PIWIL1: variants seen among roughly 807,000 people sequenced by gnomAD.
PIWIL1 encodes piwi-like protein 1.
PIWIL1 carries 73 observed loss-of-function variants against 114.4 expected under a neutral mutation model. The ratio of observed to expected loss-of-function variants is 0.64; its 90% confidence interval spans 0.53 to 0.78. PIWIL1 has a LOEUF of 0.78. Among genes scored for constraint, PIWIL1 ranks in the 30% least tolerant of loss-of-function variants. The pLI, the probability that PIWIL1 is intolerant of heterozygous loss-of-function variation, is 0.00. For synonymous variants in PIWIL1, 375 were observed against 369.0 expected (o/e 1.02, Z -0.19); for missense variants, 723 against 1,063.1 (o/e 0.68, Z 4.45).
the PIWIL1 span, among the ~76,000 whole-genome samples, chr12:130,391,900 C>T: frequency 1.4e-3 from 202 of 146,912 alleles, 2 homozygotes; most frequent in African/African-American, 4.7e-3. Context: ...TCCTCACATG[C>T]GTGCGTCAGT....
At chr12:130,403,352 CTATAA>C in the PIWIL1 span, among the ~76,000 whole-genome samples, 2 of 152,066 alleles carry the variant, frequency 1.3e-5, no homozygotes, top group African/African-American at 4.8e-5. Context: ...CTGATTCCCA[CTATAA>C]TATAAAAACT....
the PIWIL1 span, chr12:130,422,630 A>C: frequency 1.7e-6 from 2 of 1,143,692 alleles, no homozygotes; most frequent in Middle Eastern, 2.0e-4. The surrounding 1 kb of genome is among the most constrained non-coding windows in gnomAD (Gnocchi z 5.2). Flanking sequence ...CAGTTAGCCA[A>C]ATCAAGCGGG....
chr12:130,345,892 GAAT>G lies in PIWIL1; in HGVS notation c.316+17_316+19del. The G allele has an allele frequency of 1.9e-6, 3 of 1,612,390 alleles. No individual in the cohort carries two copies. Among genetic ancestry groups the G allele is most frequent in the Non-Finnish European group, 2.5e-6 (3 of 1,179,274 alleles). On this transcript the variant is annotated intron_variant, in intron 4 of 20. Coordinates refer to ENST00000245255, the MANE Select transcript of PIWIL1 (RefSeq NM_004764.5). ...AATCAAAAACAGGTAGGTTAATTAA[GAAT>G]AAGTTTTGTGAGATTACATCTCAGG...
At chr12:130,423,347 G>A in the PIWIL1 span, among the ~76,000 whole-genome samples, 1 of 152,222 alleles carries the variant, frequency 6.6e-6, no homozygotes, top group Admixed American at 6.5e-5. Context: ...GAGTCACTGA[G>A]GCACGGATCT....
the PIWIL1 span, among the ~76,000 whole-genome samples, chr12:130,380,980 T>C: frequency 0.08 from 12,173 of 152,122 alleles, 695 homozygotes; most frequent in South Asian, 0.2. Flanking sequence ...AGGCTCACAG[T>C]TAAATTGAGT....
At chr12:130,399,633 T>C in the PIWIL1 span, 33 of 1,607,078 alleles carry the variant, frequency 2.1e-5, no homozygotes, top group Non-Finnish European at 2.4e-5. Context: ...AGACCACATA[T>C]GGCAGAACGG....
chr12:130,360,697 T>C (rs976261567), intron 14 of PIWIL1, among the ~76,000 whole-genome samples: 6 of 152,158 alleles, frequency 3.9e-5, no homozygotes, highest in Non-Finnish European at 7.3e-5. Flanking sequence ...GGCAGGGGCA[T>C]GTTGAGATCA....
chr12:130,419,120 C>T, the PIWIL1 span, among the ~76,000 whole-genome samples: 12 of 152,292 alleles, frequency 7.9e-5, no homozygotes, highest in South Asian at 2.5e-3. This position sits in a 1 kb window ranked among gnomAD's most constrained non-coding sequence, Gnocchi z 4.3. Context: ...GAAAGAGTAG[C>T]AGCCTCCCTG....
At chr12:130,424,090 G>A in the PIWIL1 span, 3 of 962,324 alleles carry the variant, frequency 3.1e-6, no homozygotes, top group Non-Finnish European at 2.7e-6. This position sits in a 1 kb window ranked among gnomAD's most constrained non-coding sequence, Gnocchi z 9.8. Context: ...GTGAAAGGAT[G>A]GGACAGATTG....
chr12:130,352,850 C>T (rs1164771875), intron 9 of PIWIL1, among the ~76,000 whole-genome samples: 2 of 152,266 alleles, frequency 1.3e-5, no homozygotes, highest in South Asian at 2.1e-4. Context: ...CCTGTGTTTG[C>T]AAGTCAGTGA....
At chr12:130,344,714 T>C (rs2073022412) in intron 3 of PIWIL1, among the ~76,000 whole-genome samples, 1 of 152,176 alleles carries the variant, frequency 6.6e-6, no homozygotes, top group African/African-American at 2.4e-5. Context: ...AGAACTTCTG[T>C]ATTTGAGCCC....
intron 12 of PIWIL1, among the ~76,000 whole-genome samples, 194 bp from the exon 13 acceptor site, chr12:130,356,724 T>G (rs975617119): frequency 2.0e-5 from 3 of 152,240 alleles, no homozygotes; most frequent in African/African-American, 7.2e-5. Flanking sequence ...GTATTTTAAG[T>G]AAAATTGCCA....
the PIWIL1 span, among the ~76,000 whole-genome samples, chr12:130,410,157 T>C: frequency 8.5e-5 from 13 of 152,258 alleles, no homozygotes; most frequent in African/African-American, 3.1e-4. Flanking sequence ...GATCTTTTCA[T>C]GTGCTTATTT....
At chr12:130,365,066 C>T (rs1170250704) in intron 18 of PIWIL1, among the ~76,000 whole-genome samples, 1 of 152,148 alleles carries the variant, frequency 6.6e-6, no homozygotes. Context: ...TGAATGAGTA[C>T]CTGTGCACAG....
At chr12:130,390,597 T>C in the PIWIL1 span, among the ~76,000 whole-genome samples, 10 of 152,322 alleles carry the variant, frequency 6.6e-5, no homozygotes, top group Admixed American at 2.6e-4. Context: ...AATTAGAGCT[T>C]GGGCAATGGG....
chr12:130,381,483 G>A, the PIWIL1 span, among the ~76,000 whole-genome samples: 30 of 152,256 alleles, frequency 2.0e-4, no homozygotes, highest in African/African-American at 7.0e-4. Context: ...ATTCCTCCGT[G>A]TCTTTGTGGC....
chr12:130,353,563 A>G (rs1287487599), intron 9 of PIWIL1, among the ~76,000 whole-genome samples: 3 of 152,172 alleles, frequency 2.0e-5, no homozygotes. Flanking sequence ...AACTCAAACA[A>G]AGTCTGTCAT....
At chr12:130,392,196 C>A in the PIWIL1 span, among the ~76,000 whole-genome samples, 1 of 12,810 alleles carries the variant, frequency 7.8e-5, no homozygotes, top group African/African-American at 2.5e-4. Flanking sequence ...ACCGTCATCA[C>A]GTGGATGCAT....
chr12:130,355,748 C>G, intron 12 of PIWIL1, 81 bp downstream of exon 12: 1 of 959,790 alleles, frequency 1.0e-6, no homozygotes, highest in Non-Finnish European at 1.7e-6. Flanking sequence ...TACAGTGGTG[C>G]AATCTCAGCT....
Sources: allele counts gnomAD v4.1 joint callset (sites outside exome capture counted in the v4.1 genomes callset), GRCh38; gene constraint gnomAD v4.1.1; non-coding constraint Gnocchi (gnomAD v3.1); transcripts MANE v1.5; gene names NCBI Gene and HGNC (gene_info 2026-07-23, HGNC 2026-07-21).